The following HAUS1 variants were observed in gnomAD, a reference collection of about 807,000 sequenced individuals.
The protein encoded by HAUS1 is HAUS augmin-like complex subunit 1.
Under a neutral mutation model 38.6 loss-of-function variants are expected in HAUS1, and 25 were observed. The ratio of observed to expected loss-of-function variants is 0.65; its 90% CI spans 0.47 to 0.91. HAUS1 has a LOEUF of 0.91. HAUS1 is among the 40% of genes least tolerant of loss of function. The pLI, the probability that HAUS1 is intolerant of heterozygous loss-of-function variation, is 0.00. For missense variants in HAUS1, 325 were observed against 328.4 expected, an observed-to-expected ratio of 0.99 and a Z score of 0.08; for synonymous variants, 109 against 112.9, an observed-to-expected ratio of 0.97 and a Z score of 0.22.
intron 4 of HAUS1, among the ~76,000 whole-genome samples, chr18:46,120,459 C>G (rs1172494864): frequency 6.6e-6 from 1 of 151,960 alleles, no homozygotes; most frequent in African/African-American, 2.4e-5. Flanking sequence ...GTCTCGAACT[C>G]CCGACCTCAG....
intron 1 of HAUS1, among the ~76,000 whole-genome samples, chr18:46,104,728 C>G (rs1258527329): frequency 1.3e-5 from 2 of 151,946 alleles, no homozygotes; most frequent in Admixed American, 6.6e-5. Context: ...GCCAAACCCG[C>G]CTTCCGGTTC....
Position 46,128,180 on chromosome 18 carries a change from C to A in HAUS1, c.*55C>A. 8.9e-7 allele frequency: 1 copy of A among 1,129,540 alleles called. No individual in the cohort carries two copies. The highest frequency in any genetic ancestry group is 1.3e-6 in the Non-Finnish European group (1 of 784,208). 70.0% of individuals were successfully genotyped at this position (1,129,540 alleles called of 1,614,324 possible). On this transcript the variant is annotated 3_prime_UTR_variant, in exon 9 of 9. Transcript: ENST00000282058. ...ACAAAGTAAATTGAATAGGACTTTA[C>A]AGAGTTCTTTTTCCTCTTGGCATTT...
chr18:46,122,306 A>C, intron 4 of HAUS1, among the ~76,000 whole-genome samples, 161 bp from the exon 5 acceptor site: 1 of 142,062 alleles, frequency 7.0e-6, no homozygotes, highest in African/African-American at 2.5e-5. Flanking sequence ...CTCATCTCTT[A>C]AAAAAAAAAA....
intron 7 of HAUS1, among the ~76,000 whole-genome samples, chr18:46,125,477 G>T (rs1912075709): frequency 6.6e-6 from 1 of 151,276 alleles, no homozygotes; most frequent in African/African-American, 2.4e-5. Context: ...AACCCAGGAG[G>T]CAGAGGCTGC....
intron 3 of HAUS1, chr18:46,118,536 T>A: frequency 2.0e-6 from 1 of 496,844 alleles, no homozygotes; most frequent in Non-Finnish European, 3.6e-6. Context: ...TTATGAAGGG[T>A]GGTTCTCATG....
intron 2 of HAUS1, among the ~76,000 whole-genome samples, chr18:46,105,702 C>T (rs1443516827): frequency 1.3e-5 from 2 of 151,914 alleles, no homozygotes; most frequent in African/African-American, 4.8e-5. Context: ...ATGCCTCAGC[C>T]TCCCAAGTAG....
chr18:46,126,216 A>C (rs1185787459), intron 8 of HAUS1, among the ~76,000 whole-genome samples: 4 of 152,156 alleles, frequency 2.6e-5, no homozygotes. Context: ...TGGAGGTTGC[A>C]GTGAACTGAG....
chr18:46,117,038 C>T (rs1911814466), intron 2 of HAUS1, among the ~76,000 whole-genome samples: 1 of 152,138 alleles, frequency 6.6e-6, no homozygotes. Context: ...AGACATATTG[C>T]AACTGTTGGA....
intron 2 of HAUS1, among the ~76,000 whole-genome samples, chr18:46,116,579 A>G (rs541612197): frequency 6.6e-6 from 1 of 152,136 alleles, no homozygotes; most frequent in Admixed American, 6.6e-5. Context: ...AATAACGACA[A>G]AAAAAACCAA....
chr18:46,122,551 A>G lies in HAUS1; in HGVS notation c.561A>G (p.Ala187=), dbSNP rs766248070. The part of the protein sequence containing the change: ...NRRQNMDFLK[A]KSEEFRFGIK... ...GTCAGAACATGGACTTTCTAAAAGC[A>G]AAGTCAGAGGAATTCAGATTTGGAA... Residue 187 remains alanine (A), a synonymous_variant, in exon 5 of 9, where the codon GCA becomes GCG. Coordinates refer to ENST00000282058, the MANE Select transcript of HAUS1 (RefSeq NM_138443.4). The G allele has an allele frequency of 1.9e-6, 3 of 1,614,052 alleles. No individual in the cohort carries two copies. The highest frequency in any genetic ancestry group is 2.5e-6 in the Non-Finnish European group (3 of 1,180,010).
At chr18:46,107,309 C>A (rs571750730) in intron 2 of HAUS1, among the ~76,000 whole-genome samples, 1 of 152,172 alleles carries the variant, frequency 6.6e-6, no homozygotes, top group East Asian at 1.9e-4. Context: ...CCAGAAAAAT[C>A]TCATTTTATA....
intron 2 of HAUS1, among the ~76,000 whole-genome samples, chr18:46,115,944 A>G (rs900923012): frequency 3.3e-4 from 50 of 151,972 alleles, no homozygotes; most frequent in Non-Finnish European, 1.0e-4. Context: ...TGTCTCTACT[A>G]AAAATACAAA....
Position 46,122,570 on chromosome 18 carries a change from T to G in HAUS1, c.580T>G (p.Phe194Val). 1 of 1,614,182 alleles carries G rather than the reference T, an allele frequency of 6.2e-7. No individual in the cohort carries two copies. Among genetic ancestry groups the G allele is most frequent in the Non-Finnish European group, 8.5e-7 (1 of 1,180,018 alleles). The change falls in exon 5 of 9, where the codon TTT (phenylalanine) becomes GTT (valine). Residue 194 changes from phenylalanine to valine, a missense_variant. Physicochemically the swap from Phe to Val is conservative, Grantham distance 50. Coordinates refer to ENST00000282058, the MANE Select transcript of HAUS1 (RefSeq NM_138443.4). ...AAAAGCAAAGTCAGAGGAATTCAGATTTGGAATCAAGGCTGCAGAGGTTTG... is the reference window on the plus strand; with the variant it reads ...AAAAGCAAAGTCAGAGGAATTCAGAGTTGGAATCAAGGCTGCAGAGGTTTG... ...FLKAKSEEFRFGIKAAEEQLS... is the reference protein window; with the variant it reads ...FLKAKSEEFRVGIKAAEEQLS...
intron 2 of HAUS1, among the ~76,000 whole-genome samples, chr18:46,114,100 A>G (rs1911742962): frequency 6.6e-6 from 1 of 152,214 alleles, no homozygotes; most frequent in Admixed American, 6.6e-5. Context: ...TCTTAGAGGA[A>G]TAGTTTCTGA....
chr18:46,110,341 T>TTTTG (rs1568262603), intron 2 of HAUS1, among the ~76,000 whole-genome samples: 7 of 120,104 alleles, frequency 5.8e-5, no homozygotes, highest in African/African-American at 1.3e-4. Context: ...AGGTTTTTTT[T>TTTTG]TTTTTTTTTT....
chr18:46,105,592 GTATA>G (rs1555697187), intron 2 of HAUS1, among the ~76,000 whole-genome samples: 1 of 144,936 alleles, frequency 6.9e-6, no homozygotes, highest in African/African-American at 2.6e-5. Flanking sequence ...GTGTGTGTGT[GTATA>G]TATTTTAGAC....
rs536790505 is a variant in HAUS1, at chr18:46,128,233, A to C, written c.*108A>C. On this transcript the variant is annotated 3_prime_UTR_variant, in exon 9 of 9. Coordinates refer to ENST00000282058, the MANE Select transcript of HAUS1 (RefSeq NM_138443.4). ...TAATAACAAAACTTTCTGTGTTCTT[A>C]GATTACAGAATATCATAATTGATAG... 2 of 558,586 alleles carry C rather than the reference A, an allele frequency of 3.6e-6. No homozygotes were observed. Among genetic ancestry groups the C allele is most frequent in the Non-Finnish European group, 6.2e-6 (2 of 321,316 alleles). The allele number at this position is 558,586 out of a possible 1,614,324, so 34.6% of individuals were successfully genotyped here.
rs1911652889 is a variant in HAUS1, at chr18:46,112,206, T to A, written c.206-5975T>A. 3.4e-5 allele frequency among the ~76,000 whole-genome samples: 5 copies of A among 146,676 alleles called. No individual in the cohort carries two copies. The Admixed American group carries it at 3.5e-4, about 10-fold the overall frequency. On this transcript the variant is annotated intron_variant, in intron 2 of 8. Transcript: ENST00000282058. ...GGCCTTTCATTTTCCTTTGTTCTTT[T>A]TTTCTCTGTTCTTTGGCTTCCATAT... is the stretch of plus-strand genomic sequence containing the variant.
At chr18:46,105,592 G>GTGTGTGTATA (rs796714516) in intron 2 of HAUS1, among the ~76,000 whole-genome samples, 1 of 144,936 alleles carries the variant, frequency 6.9e-6, no homozygotes, top group Non-Finnish European at 1.5e-5. Flanking sequence ...GTGTGTGTGT[G>GTGTGTGTATA]TATATATTTT....
Sources: gnomAD v4.1 joint callset for allele counts (sites outside exome capture counted in the v4.1 genomes callset) on GRCh38, gnomAD v4.1.1 for gene constraint, MANE v1.5 for transcripts, NCBI Gene and HGNC (gene_info 2026-07-23, HGNC 2026-07-21) for gene names.